The following ZNF302 variants were observed in gnomAD, a reference collection of about 807,000 sequenced individuals.
The protein encoded by ZNF302 is zinc finger protein 327.
Under a neutral mutation model 10.8 loss-of-function variants are expected in ZNF302, and 12 were observed. The observed-to-expected ratio is 1.11, with a 90% CI of 0.71 to 1.79. The LOEUF is 1.79. Among genes scored for constraint, ZNF302 ranks in the 40% most tolerant of loss-of-function variants. ZNF302 has a pLI of 0.00. For missense variants in ZNF302, 461 were observed against 471.1 expected (o/e 0.98, Z 0.20); for synonymous variants, 178 against 157.5 (o/e 1.13, Z -0.98).
At chr19:34,683,813 T>C (rs940377024) in intron 4 of ZNF302, among the ~76,000 whole-genome samples, 1 of 152,118 alleles carries the variant, frequency 6.6e-6, no homozygotes, top group African/African-American at 2.4e-5. Flanking sequence ...TATTTTAAGC[T>C]TGATAATCCA....
chr19:34,684,784 A>G lies in ZNF302; in HGVS notation c.747A>G (p.Ile249Met). The G allele has an allele frequency of 6.2e-7, 1 of 1,614,044 alleles. No homozygotes were observed. Among genetic ancestry groups the G allele is most frequent in the Non-Finnish European group, 8.5e-7 (1 of 1,179,908 alleles). Residue 249 changes from isoleucine to methionine, a missense_variant, in exon 5 of 5, where the codon ATA becomes ATG. By Grantham distance (10) the Ile-to-Met change is conservative. Coordinates refer to ENST00000505242, the MANE Select transcript of ZNF302 (RefSeq NM_001289187.2). ...SHGSSLTRHQISHSGEKPYKC... is the reference protein window; with the variant it reads ...SHGSSLTRHQMSHSGEKPYKC... ...GTTCATCCCTTACACGACATCAGAT[A>G]AGCCATAGTGGAGAGAAACCTTACA...
upstream of ZNF302, chr19:34,675,986 G>A (rs112257898): frequency 0.016 from 2,493 of 152,324 alleles, 42 homozygotes; most frequent in South Asian, 0.084. Context: ...CAGACCCAAA[G>A]AGCAAAAGAA....
At chr19:34,684,202 A>ATGGC in intron 4 of ZNF302, 50 bp from the exon 5 acceptor site, 1 of 1,065,956 alleles carries the variant, frequency 9.4e-7, no homozygotes, top group Non-Finnish European at 1.2e-6. Flanking sequence ...AAAAAAAAAA[A>ATGGC]AAAAAAAAAA....
At position 34,685,224 on chromosome 19, in the gene ZNF302, C is replaced by T. The variant is rs762845962; in HGVS notation, c.1187C>T (p.Pro396Leu). Residue 396 changes from proline (P) to leucine (L), a missense_variant, in exon 5 of 5, where the codon CCG becomes CTG. Pro to Leu is a moderately conservative substitution (Grantham distance 98). Transcript: ENST00000505242. ...QHQSIHTEEK[P>L]FEV ...CAGAGTATTCATACTGAAGAAAAAC[C>T]GTTTGAAGTTTAGAAATGCAGGAAA... is the stretch of plus-strand genomic sequence containing the variant. The T allele has an allele frequency of 2.7e-5, 43 of 1,612,148 alleles. No individual in the cohort carries two copies. Among genetic ancestry groups the T allele is most frequent in the Middle Eastern group, 1.6e-4 (1 of 6,068 alleles).
chr19:34,684,385 G>T lies in ZNF302; in HGVS notation c.348G>T (p.Leu116Phe). 1 of 1,606,716 alleles carries T rather than the reference G, an allele frequency of 6.2e-7. No homozygotes were observed. The highest frequency in any genetic ancestry group is 8.5e-7 in the Non-Finnish European group (1 of 1,177,778). Residue 116 changes from leucine (L) to phenylalanine (F), a missense_variant, in exon 5 of 5, where the codon TTG (leucine) becomes TTT (phenylalanine). By Grantham distance (22) the Leu-to-Phe change is conservative (BLOSUM62 0). Coordinates refer to ENST00000505242, the MANE Select transcript of ZNF302 (RefSeq NM_001289187.2). ...SYEFSNSNKNLEYTECDTFRS... is the reference protein window; with the variant it reads ...SYEFSNSNKNFEYTECDTFRS... ...AATTTTCAAATTCTAATAAGAATTTGGAATATACAGAATGCGACACATTTA... is the reference window on the plus strand; with the variant it reads ...AATTTTCAAATTCTAATAAGAATTTTGAATATACAGAATGCGACACATTTA...
At chr19:34,679,426 GT>G (rs2145274222) in intron 2 of ZNF302, among the ~76,000 whole-genome samples, 1 of 152,222 alleles carries the variant, frequency 6.6e-6, no homozygotes, top group South Asian at 2.1e-4. Flanking sequence ...TTTTTCAGTG[GT>G]TCTAACTGAG....
Position 34,685,715 on chromosome 19 carries a change from G to T in ZNF302, c.*478G>T, listed in dbSNP as rs2068625500. On this transcript the variant is annotated 3_prime_UTR_variant, in exon 5 of 5. Transcript: ENST00000505242. ...GAAAAATGTATACTGGGGAAAAGTTGTATGAAGGTGGTGAACATGGGAGAC... is the reference window on the plus strand; with the variant it reads ...GAAAAATGTATACTGGGGAAAAGTTTTATGAAGGTGGTGAACATGGGAGAC... 4.6e-6 allele frequency: 3 copies of T among 645,680 alleles called. No homozygotes were observed. Among genetic ancestry groups the T allele is most frequent in the South Asian group, 2.1e-5 (1 of 48,012 alleles). 40.0% of individuals were successfully genotyped at this position (645,680 alleles called of 1,614,324 possible). A position where few individuals can be genotyped will look rare whatever the true frequency, so the allele number is the denominator to read the frequency against.
In ZNF302 at chr19:34,684,376, T is replaced by G. The variant is rs754036946; in HGVS notation, c.339T>G (p.Asn113Lys). The G allele has an allele frequency of 5.0e-6, 8 of 1,602,952 alleles. No individual in the cohort carries two copies. Among genetic ancestry groups the G allele is most frequent in the Non-Finnish European group, 5.1e-6 (6 of 1,176,676 alleles). The change falls in exon 5 of 5, where the codon AAT becomes AAG. Residue 113 changes from asparagine to lysine, a missense_variant. Asn to Lys is a moderately conservative substitution (Grantham distance 94, BLOSUM62 0). Coordinates refer to ENST00000505242, the MANE Select transcript of ZNF302 (RefSeq NM_001289187.2). ...AAAGTTATGAATTTTCAAATTCTAATAAGAATTTGGAATATACAGAATGCG... is the reference window on the plus strand; with the variant it reads ...AAAGTTATGAATTTTCAAATTCTAAGAAGAATTTGGAATATACAGAATGCG... The part of the protein sequence containing the change: ...VKQSYEFSNS[N>K]KNLEYTECDT...
chr19:34,678,712 T>C (rs989866854), intron 1 of ZNF302, 25 bp from the exon 2 acceptor site: 8 of 1,506,904 alleles, frequency 5.3e-6, no homozygotes, highest in Non-Finnish European at 7.3e-6. Context: ...CATGACTGCT[T>C]TTTCCTGCCT....
rs535515456 is a variant in ZNF302, at chr19:34,683,387, A to C, written c.214+149A>C. 16 of 896,292 alleles carry C rather than the reference A, an allele frequency of 1.8e-5. No individual in the cohort carries two copies. The African/African-American group carries it at 2.3e-4, about 13-fold the overall frequency. The allele number at this position is 896,292 out of a possible 1,614,324, so 55.5% of individuals were successfully genotyped here. A position where few individuals can be genotyped will look rare whatever the true frequency, so the allele number is the denominator to read the frequency against. On this transcript the variant is annotated intron_variant, in intron 4 of 4. Coordinates refer to ENST00000505242, the MANE Select transcript of ZNF302 (RefSeq NM_001289187.2). Reference sequence around the variant, plus strand: ...GAGGGATATTTAGCTTAGATTTTCAAAACAATTGTTCCTCCCTCTCAAATT... The same window carrying C: ...GAGGGATATTTAGCTTAGATTTTCACAACAATTGTTCCTCCCTCTCAAATT...
chr19:34,684,305 G>A lies in ZNF302; in HGVS notation c.268G>A (p.Asp90Asn), dbSNP rs1248507959. 3.9e-6 allele frequency: 6 copies of A among 1,545,172 alleles called. No homozygotes were observed. The highest frequency in any genetic ancestry group is 5.2e-6 in the Non-Finnish European group (6 of 1,148,168). ...ATTATCAACAAAGAAGGATATTTAT[G>A]ATGAAGATTCACCCCAACCAGTAAC... Reference protein sequence around the residue: ...KELSTKKDIYDEDSPQPVTME... With the variant: ...KELSTKKDIYNEDSPQPVTME... Residue 90 changes from aspartate to asparagine, a missense_variant, in exon 5 of 5, where the codon GAT becomes AAT. By Grantham distance (23) the Asp-to-Asn change is conservative. Coordinates refer to ENST00000505242, the MANE Select transcript of ZNF302 (RefSeq NM_001289187.2).
upstream of ZNF302, chr19:34,677,503 G>A (rs762493701): frequency 6.6e-6 from 1 of 152,340 alleles, no homozygotes; most frequent in Non-Finnish European, 1.5e-5. Context: ...GGCCCCAGGC[G>A]GTTAAGCTAC....
intron 3 of ZNF302, 107 bp from the exon 4 acceptor site, chr19:34,683,048 T>G: frequency 6.3e-7 from 1 of 1,576,880 alleles, no homozygotes; most frequent in Non-Finnish European, 8.6e-7. Flanking sequence ...AAGCTTATCT[T>G]TCCATTTCAG....
chr19:34,681,555 C>T (rs1259516416), intron 2 of ZNF302: 2 of 152,174 alleles, frequency 1.3e-5, no homozygotes, highest in East Asian at 1.9e-4. Flanking sequence ...GGGATGAAAC[C>T]GTTCTACCTC....
At chr19:34,677,242 G>A (rs2067992708), upstream of ZNF302, 2 of 151,706 alleles carry the variant, frequency 1.3e-5, no homozygotes, top group Admixed American at 6.6e-5. Flanking sequence ...TGCTAGCAAC[G>A]GCGAGCACTT....
Position 34,683,238 on chromosome 19 carries a change from G to C in ZNF302, c.214G>C (p.Asp72His). The change falls in exon 4 of 5, where the codon GAT (aspartate) becomes CAT (histidine). Residue 72 changes from aspartate to histidine, a missense_variant and splice_region_variant. Transcript: ENST00000505242. ...GATGATGGAGAAAAAACTGTCAAAA[G>C]GTATGATTCCACATGAGTCATGGTG... ...PWMMEKKLSK[D>H]WESRWENKEL... 6.2e-7 allele frequency: 1 copy of C among 1,614,004 alleles called. No individual in the cohort carries two copies. Among genetic ancestry groups the C allele is most frequent in the Non-Finnish European group, 8.5e-7 (1 of 1,179,892 alleles).
Position 34,685,182 on chromosome 19 carries a change from C to T in ZNF302, c.1145C>T (p.Ser382Leu). 6.2e-7 allele frequency: 1 copy of T among 1,605,520 alleles called. No homozygotes were observed. The highest frequency in any genetic ancestry group is 8.5e-7 in the Non-Finnish European group (1 of 1,176,832). ...TGTCTCAAGGTCTTTAGTAGCTTCT[C>T]ATTTCTTGTTCAACATCAGAGTATT... ...NKCLKVFSSFSFLVQHQSIHT... is the reference protein window; with the variant it reads ...NKCLKVFSSFLFLVQHQSIHT... The change falls in exon 5 of 5, where the codon TCA (serine) becomes TTA (leucine). Residue 382 changes from serine to leucine, a missense_variant. Coordinates refer to ENST00000505242, the MANE Select transcript of ZNF302 (RefSeq NM_001289187.2).
chr19:34,684,434 A>G lies in ZNF302; in HGVS notation c.397A>G (p.Thr133Ala). 2 of 1,612,968 alleles carry G rather than the reference A, an allele frequency of 1.2e-6. No homozygotes were observed. Among genetic ancestry groups the G allele is most frequent in the Non-Finnish European group, 1.7e-6 (2 of 1,179,270 alleles). ...TFRSTFHSKS[T>A]LSEPQNNSAE... ...TAGAAGCACCTTTCATTCAAAGTCTACTCTTTCTGAACCACAAAACAATTC... is the reference window on the plus strand; with the variant it reads ...TAGAAGCACCTTTCATTCAAAGTCTGCTCTTTCTGAACCACAAAACAATTC... Residue 133 changes from threonine (T) to alanine (A), a missense_variant, in exon 5 of 5, where the codon ACT becomes GCT. Physicochemically the swap from Thr to Ala is moderately conservative, Grantham distance 58 (BLOSUM62 0). Transcript: ENST00000505242.
At chr19:34,677,262 C>G (rs2067993688), upstream of ZNF302, 1 of 151,192 alleles carries the variant, frequency 6.6e-6, no homozygotes, top group African/African-American at 2.4e-5. Context: ...TGCGCGGTAC[C>G]AGCAAGGGCT....
Sources: gnomAD v4.1 joint callset for allele counts (sites outside exome capture counted in the v4.1 genomes callset) on GRCh38, gnomAD v4.1.1 for gene constraint, MANE v1.5 for transcripts, NCBI Gene and HGNC (gene_info 2026-07-23, HGNC 2026-07-21) for gene names.